Variants in URGCP observed in about 807,000 individuals in gnomAD.
URGCP encodes upregulator of cell proliferation, also known as up-regulator of cell proliferation.
In URGCP, 13 loss-of-function variants were observed where a neutral mutation model predicts 24.6. The observed-to-expected ratio is 0.53, with a 90% CI of 0.34 to 0.84. The LOEUF (loss-of-function observed/expected upper bound fraction) is 0.84, where lower values mean the gene tolerates loss of function less well. Among genes scored for constraint, URGCP ranks in the 40% least tolerant of loss-of-function variants. The pLI is 0.01. For missense variants in URGCP, 899 were observed against 1,194.3 expected (o/e 0.75, Z 3.64); for synonymous variants, 444 against 487.2 (o/e 0.91, Z 1.17).
At chr7:43,923,801 T>C (rs561588764) in intron 1 of URGCP, among the ~76,000 whole-genome samples, 1 of 152,228 alleles carries the variant, frequency 6.6e-6, no homozygotes, top group Non-Finnish European at 1.5e-5. Context: ...TTCTAGTTGG[T>C]ATTGCTTGAA....
At position 43,919,258 on chromosome 7, in the gene URGCP, C is replaced by A. The variant is rs530731923; in HGVS notation, c.-116+6874G>T. 26 of 818,124 alleles carry A rather than the reference C, an allele frequency of 3.2e-5. No homozygotes were observed. The South Asian group carries it at 3.5e-4, about 11-fold the overall frequency. 50.7% of individuals were successfully genotyped at this position (818,124 alleles called of 1,614,324 possible). A position where few individuals can be genotyped will look rare whatever the true frequency, so the allele number is the denominator to read the frequency against. ...AACGTGGTGGTCCAGCTTTATAATT[C>A]ACTCCTCACACTCAAGAGGCTGATG... On this transcript the variant is annotated intron_variant, in intron 1 of 5. Transcript: ENST00000426198.
intron 1 of URGCP, among the ~76,000 whole-genome samples, chr7:43,891,910 T>C (rs926450238): frequency 6.6e-6 from 1 of 151,676 alleles, no homozygotes; most frequent in African/African-American, 2.4e-5. Flanking sequence ...GCCTCCTGAG[T>C]AGCTGAGATT....
chr7:43,920,209 C>T (rs556235495), intron 1 of URGCP, among the ~76,000 whole-genome samples: 53 of 152,308 alleles, frequency 3.5e-4, no homozygotes, highest in Non-Finnish European at 6.8e-4. Context: ...ATTACTTCTC[C>T]TCTTATGAGA....
chr7:43,910,050 AAT>A (rs879524842), upstream of URGCP, among the ~76,000 whole-genome samples: 35 of 152,108 alleles, frequency 2.3e-4, no homozygotes, highest in Non-Finnish European at 4.7e-4. Flanking sequence ...TCTCAAAAAA[AAT>A]AAAAGACACC....
chr7:43,879,380 G>C, intron 5 of URGCP, 120 bp from the exon 6 acceptor site: 3 of 1,209,364 alleles, frequency 2.5e-6, no homozygotes, highest in Non-Finnish European at 2.3e-6. Context: ...TCAGAGAGCA[G>C]AGTGCAGGCA....
intron 1 of URGCP, chr7:43,888,482 C>T (rs940512838): frequency 1.7e-5 from 2 of 116,440 alleles, no homozygotes; most frequent in Non-Finnish European, 3.5e-5. Context: ...GCCTGGGTGA[C>T]AAGAACAAAA....
chr7:43,894,667 T>G (rs1248875280), intron 1 of URGCP, among the ~76,000 whole-genome samples: 1 of 152,064 alleles, frequency 6.6e-6, no homozygotes, highest in Non-Finnish European at 1.5e-5. Flanking sequence ...GCCAAAAAAT[T>G]TCTTAAAAAT....
chr7:43,919,382 C>T lies in URGCP; in HGVS notation c.-116+6750G>A. ...TCCAGAACCCATCCTTCTCTCAGAC[C>T]AACCAGCTGGTGTCCACCATCATCT... On this transcript the variant is annotated intron_variant, in intron 1 of 5. Transcript: ENST00000426198. 1.0e-5 allele frequency: 9 copies of T among 860,530 alleles called. No individual in the cohort carries two copies. In the South Asian group the frequency reaches 1.2e-4, roughly 11 times the overall value. 53.3% of individuals were successfully genotyped at this position (860,530 alleles called of 1,614,324 possible). A position where few individuals can be genotyped will look rare whatever the true frequency, so the allele number is the denominator to read the frequency against.
intron 1 of URGCP, among the ~76,000 whole-genome samples, chr7:43,897,836 G>C (rs2095881588): frequency 6.6e-6 from 1 of 152,162 alleles, no homozygotes; most frequent in African/African-American, 2.4e-5. Context: ...ACTCTCAAAA[G>C]CATCTGTGAA....
upstream of URGCP, among the ~76,000 whole-genome samples, chr7:43,909,449 A>G (rs969900773): frequency 1.3e-5 from 2 of 152,356 alleles, no homozygotes; most frequent in African/African-American, 4.8e-5. Context: ...ATTTTAGGCC[A>G]GGTACGGTGG....
chr7:43,925,717 C>T (rs954723165), intron 1 of URGCP, among the ~76,000 whole-genome samples: 1 of 147,068 alleles, frequency 6.8e-6, no homozygotes, highest in Non-Finnish European at 1.5e-5. Flanking sequence ...CCAGGCTGGT[C>T]TCGAACTCCT....
At chr7:43,886,930 G>T (rs1031514236) in intron 3 of URGCP, among the ~76,000 whole-genome samples, 8 of 152,170 alleles carry the variant, frequency 5.3e-5, no homozygotes, top group Non-Finnish European at 1.2e-4. Context: ...AAACCAGCCT[G>T]TATGGACCAT....
At chr7:43,906,828 G>A (rs539086876), upstream of URGCP, 220 of 271,884 alleles carry the variant, frequency 8.1e-4, 1 homozygote, top group African/African-American at 4.7e-3. Context: ...CAGGTGCCTG[G>A]AGGCCGGAAC....
chr7:43,878,087 C>T lies in URGCP; in HGVS notation c.1376G>A (p.Gly459Asp). ...CTCACAGTCCTCGTCGACCTTTAGG[C>T]CCAGTTTGCGGGCTGCGTGCGCCAT... ...EDMAHAARKLGLKVDEDCEEC... is the reference protein window; with the variant it reads ...EDMAHAARKLDLKVDEDCEEC... The change falls in exon 6 of 6, where the codon GGC becomes GAC. Residue 459 changes from glycine (G) to aspartate (D), a missense_variant. Gly to Asp is a moderately conservative substitution (Grantham distance 94). Coordinates refer to ENST00000453200, the MANE Select transcript of URGCP (RefSeq NM_001077663.3). The surrounding 1 kb of genome is among the most constrained non-coding windows in gnomAD (Gnocchi z 5.6). The T allele has an allele frequency of 6.2e-7, 1 of 1,614,246 alleles. No individual in the cohort carries two copies. Among genetic ancestry groups the T allele is most frequent in the Non-Finnish European group, 8.5e-7 (1 of 1,180,044 alleles).
In URGCP at chr7:43,878,066, C is replaced by A; in HGVS notation, c.1397G>T (p.Cys466Phe). 6.2e-7 allele frequency: 1 copy of A among 1,614,246 alleles called. No homozygotes were observed. The part of the protein sequence containing the change: ...RKLGLKVDED[C>F]EECQKAKDRM... ...GTCTTTCGCTTTCTGACACTCCTCA[C>A]AGTCCTCGTCGACCTTTAGGCCCAG... The change falls in exon 6 of 6, where the codon TGT becomes TTT. Residue 466 changes from cysteine to phenylalanine, a missense_variant. Cys to Phe is a radical substitution (Grantham distance 205). Coordinates refer to ENST00000453200, the MANE Select transcript of URGCP (RefSeq NM_001077663.3). This position sits in a 1 kb window ranked among gnomAD's most constrained non-coding sequence, Gnocchi z 5.6.
chr7:43,906,469 C>T, intron 1 of URGCP, 93 bp downstream of exon 1: 2 of 1,094,660 alleles, frequency 1.8e-6, no homozygotes, highest in Non-Finnish European at 2.2e-6. Context: ...GGCCGCATCC[C>T]AGACCAGAGC....
upstream of URGCP, among the ~76,000 whole-genome samples, chr7:43,909,837 G>C (rs2095908046): frequency 6.6e-6 from 1 of 151,886 alleles, no homozygotes; most frequent in Non-Finnish European, 1.5e-5. Context: ...GAGGCCAGGA[G>C]TTCAAGACCA....
chr7:43,892,195 G>T (rs555579928), intron 1 of URGCP, among the ~76,000 whole-genome samples: 9 of 151,780 alleles, frequency 5.9e-5, no homozygotes, highest in Non-Finnish European at 1.3e-4. Flanking sequence ...GGGGAATACA[G>T]GTGTGAGCCA....
At chr7:43,902,591 T>G (rs2095893349) in intron 1 of URGCP, among the ~76,000 whole-genome samples, 2 of 152,228 alleles carry the variant, frequency 1.3e-5, no homozygotes, top group South Asian at 4.1e-4. Flanking sequence ...GGAATCTTTC[T>G]AAGGGAATAC....
Sources: allele counts gnomAD v4.1 joint callset (sites outside exome capture counted in the v4.1 genomes callset), GRCh38; gene constraint gnomAD v4.1.1; non-coding constraint Gnocchi (gnomAD v3.1); transcripts MANE v1.5; gene names NCBI Gene and HGNC (gene_info 2026-07-23, HGNC 2026-07-21).